The following TTC23L variants were observed in gnomAD, a reference collection of about 807,000 sequenced individuals.
TTC23L encodes the protein tetratricopeptide repeat domain 23 like, also known as tetratricopeptide repeat protein 23-like.
Under a neutral mutation model 48.1 loss-of-function variants are expected in TTC23L, and 42 were observed. The observed-to-expected ratio is 0.87, with a 90% CI of 0.68 to 1.13. The LOEUF (loss-of-function observed/expected upper bound fraction) is 1.13. Among genes scored for constraint, TTC23L ranks in the 50% most tolerant of loss-of-function variants. The probability of loss-of-function intolerance (pLI) is 0.00; values close to 1 mark genes in which losing one functional copy is unlikely to be tolerated. For missense variants in TTC23L, 391 were observed against 421.0 expected (o/e 0.93, Z 0.62); for synonymous variants, 159 against 157.2 (o/e 1.01, Z -0.09).
At chr5:34,867,260 C>A in intron 7 of TTC23L, 191 bp downstream of exon 7, 1 of 630,816 alleles carries the variant, frequency 1.6e-6, no homozygotes. Context: ...AGAACACTGA[C>A]TCAGGTGGGC....
At chr5:34,921,318 T>A in the TTC23L span, 1 of 152,194 alleles carries the variant, frequency 6.6e-6, no homozygotes, top group Non-Finnish European at 1.5e-5. Flanking sequence ...AGGTTTGATA[T>A]ACTTAGGCTT....
At chr5:34,878,326 C>T (rs1185512946) in intron 8 of TTC23L, among the ~76,000 whole-genome samples, 1 of 151,880 alleles carries the variant, frequency 6.6e-6, no homozygotes, top group Admixed American at 6.6e-5. Context: ...CACAGTGAGA[C>T]CCATCTCAAA....
At chr5:34,860,222 A>G (rs1760496299) in intron 4 of TTC23L, among the ~76,000 whole-genome samples, 1 of 151,482 alleles carries the variant, frequency 6.6e-6, no homozygotes, top group African/African-American at 2.4e-5. Context: ...TATCCACCCA[A>G]CCTCATCCCC....
chr5:34,856,528 G>C lies in TTC23L; in HGVS notation c.379+6220G>C, dbSNP rs573128671. 4.6e-5 allele frequency among the ~76,000 whole-genome samples: 7 copies of C among 152,308 alleles called. 1 individual carries two copies. The South Asian group carries it at 1.0e-3, about 23-fold the overall frequency. On this transcript the variant is annotated intron_variant, in intron 4 of 10. Coordinates refer to ENST00000505624, the Ensembl canonical transcript of TTC23L. ...GAGAAGGAAAGGCATAAGCATGGAG[G>C]AATGTTTGAGACCAGAACTAAAGAG...
intron 9 of TTC23L, among the ~76,000 whole-genome samples, chr5:34,882,301 G>C (rs931321201): frequency 6.6e-6 from 1 of 152,116 alleles, no homozygotes; most frequent in African/African-American, 2.4e-5. Context: ...CAAAGGACCT[G>C]AGTGCCAGGT....
Position 34,883,773 on chromosome 5 carries a change from T to C in TTC23L, c.1077+3465T>C, listed in dbSNP as rs1443840084. ...ATTTAATCAGTAATCAAAAACCTTC[T>C]TACAAATAAAAGCCCAGGACCAGAT... On this transcript the variant is annotated intron_variant, in intron 9 of 10. Transcript: ENST00000505624. Among the ~76,000 whole-genome samples, 6 of 152,182 alleles carry C rather than the reference T, an allele frequency of 3.9e-5. No individual in the cohort carries two copies. In the East Asian group the frequency reaches 9.6e-4, roughly 24 times the overall value.
intron 9 of TTC23L, among the ~76,000 whole-genome samples, chr5:34,893,148 A>C (rs568559694): frequency 6.6e-6 from 1 of 152,326 alleles, no homozygotes; most frequent in Admixed American, 6.5e-5. Flanking sequence ...AGCTATATGG[A>C]GTCTGTATTG....
intron 2 of TTC23L, among the ~76,000 whole-genome samples, 166 bp downstream of exon 2, chr5:34,840,905 C>T (rs867170415): frequency 1.3e-5 from 2 of 152,022 alleles, no homozygotes; most frequent in South Asian, 2.1e-4. Context: ...AAATTAGCTG[C>T]GCGGTAGTGG....
intron 1 of TTC23L, chr5:34,839,559 CTT>C: frequency 1.1e-6 from 1 of 891,570 alleles, no homozygotes; most frequent in Non-Finnish European, 1.3e-6. Context: ...GATCAGAACT[CTT>C]TGCTGTGGGC....
intron 2 of TTC23L, among the ~76,000 whole-genome samples, chr5:34,843,798 A>G (rs540930810): frequency 1.3e-5 from 2 of 152,260 alleles, no homozygotes; most frequent in Non-Finnish European, 2.9e-5. Context: ...AAGACTGCAC[A>G]TTCTTTTCTC....
chr5:34,918,488 C>G, the TTC23L span: 8 of 1,451,600 alleles, frequency 5.5e-6, no homozygotes, highest in Middle Eastern at 1.8e-4. Flanking sequence ...GCCTTTATAT[C>G]ATATACTTTA....
chr5:34,899,957 A>G (rs1763456926), downstream of TTC23L, among the ~76,000 whole-genome samples: 3 of 152,182 alleles, frequency 2.0e-5, no homozygotes, highest in Non-Finnish European at 4.4e-5. Flanking sequence ...GGGGGAAAGA[A>G]ATCTTTTAGT....
At chr5:34,902,112 T>C (rs1252954821), downstream of TTC23L, among the ~76,000 whole-genome samples, 1 of 152,264 alleles carries the variant, frequency 6.6e-6, no homozygotes, top group Non-Finnish European at 1.5e-5. Flanking sequence ...CTTTTCCCAG[T>C]TGTCTAACTT....
At chr5:34,922,905 A>G in the TTC23L span, 3 of 1,233,088 alleles carry the variant, frequency 2.4e-6, no homozygotes, top group Admixed American at 3.8e-5. Context: ...AGGTACATTT[A>G]TAATGAGGTT....
At chr5:34,903,958 A>G (rs1283701971), downstream of TTC23L, among the ~76,000 whole-genome samples, 2 of 151,976 alleles carry the variant, frequency 1.3e-5, no homozygotes, top group Non-Finnish European at 2.9e-5. Flanking sequence ...TTCAATAAAT[A>G]TTGTTATTTT....
chr5:34,874,561 T>C (rs1297259309), intron 8 of TTC23L, among the ~76,000 whole-genome samples: 1 of 151,930 alleles, frequency 6.6e-6, no homozygotes, highest in Non-Finnish European at 1.5e-5. Context: ...AAATGCTCAA[T>C]TTAACAACAA....
intron 8 of TTC23L, among the ~76,000 whole-genome samples, chr5:34,878,159 G>T (rs1270543411): frequency 6.6e-6 from 1 of 152,118 alleles, no homozygotes; most frequent in Non-Finnish European, 1.5e-5. Flanking sequence ...ATCTAGCAAA[G>T]TATTTGTGAA....
chr5:34,912,754 C>G, the TTC23L span, among the ~76,000 whole-genome samples: 1 of 152,096 alleles, frequency 6.6e-6, no homozygotes, highest in Admixed American at 6.5e-5. Context: ...AATCCCAGAA[C>G]TTAGAGAGAC....
At position 34,878,782 on chromosome 5, in the gene TTC23L, G is replaced by A. The variant is rs151212301; in HGVS notation, c.950-1399G>A. ...GTACAACCTCTATGGAAAACAGTAC[G>A]GAGATTTCTCAAATAACTAAAAATA... On this transcript the variant is annotated intron_variant, in intron 8 of 10. Transcript: ENST00000505624. 5.8e-3 allele frequency among the ~76,000 whole-genome samples: 884 copies of A among 152,230 alleles called. 8 individuals carry two copies. Among genetic ancestry groups the A allele is most frequent in the African/African-American group, 0.02 (840 of 41,534 alleles).
Sources: gnomAD v4.1 joint callset for allele counts (sites outside exome capture counted in the v4.1 genomes callset) on GRCh38, gnomAD v4.1.1 for gene constraint, MANE v1.5 for transcripts, NCBI Gene and HGNC (gene_info 2026-07-23, HGNC 2026-07-21) for gene names.